Variants in CDH9 observed in about 807,000 individuals in gnomAD.
CDH9 encodes the protein cadherin-9.
In CDH9, 28 loss-of-function variants were observed where a neutral mutation model predicts 70.9. The observed-to-expected ratio is 0.40, with a 90% CI of 0.29 to 0.54. CDH9 has a LOEUF of 0.54. Ranked by LOEUF, CDH9 falls within the 20% of genes least tolerant of loss-of-function variation. The pLI is 0.59. For synonymous variants in CDH9, 409 were observed against 343.1 expected (o/e 1.19, Z -2.12); for missense variants, 874 against 984.4 (o/e 0.89, Z 1.50).
chr5:26,926,931 A>G (rs1439295194), intron 2 of CDH9, among the ~76,000 whole-genome samples: 1 of 127,556 alleles, frequency 7.8e-6, no homozygotes, highest in Non-Finnish European at 1.7e-5. Context: ...CCCCCCGCAA[A>G]AAAAAAAGAA....
At chr5:26,914,449 T>C (rs1007611345) in intron 3 of CDH9, among the ~76,000 whole-genome samples, 3 of 151,984 alleles carry the variant, frequency 2.0e-5, no homozygotes, top group Non-Finnish European at 4.4e-5. Flanking sequence ...AGGGAACATA[T>C]CCACTCATTT....
chr5:26,954,617 C>T (rs1213132337), intron 2 of CDH9, among the ~76,000 whole-genome samples: 1 of 151,768 alleles, frequency 6.6e-6, no homozygotes, highest in East Asian at 1.9e-4. Flanking sequence ...ATCTCCTGAC[C>T]TCGTGATCCG....
chr5:26,951,111 G>A (rs1741836112), intron 2 of CDH9, among the ~76,000 whole-genome samples: 1 of 151,824 alleles, frequency 6.6e-6, no homozygotes, highest in Admixed American at 6.6e-5. Flanking sequence ...GACCAACATG[G>A]TGAAACCCTG....
intron 2 of CDH9, among the ~76,000 whole-genome samples, chr5:26,970,757 TAAAAA>T (rs34847605): frequency 6.7e-6 from 1 of 148,992 alleles, no homozygotes; most frequent in Non-Finnish European, 1.5e-5. Flanking sequence ...TTTATTTTCT[TAAAAA>T]AAAAAATCTC....
intron 2 of CDH9, among the ~76,000 whole-genome samples, chr5:26,983,005 A>G (rs951229592): frequency 6.6e-6 from 1 of 152,188 alleles, no homozygotes; most frequent in Middle Eastern, 3.4e-3. Context: ...ATTTTAAGAG[A>G]TGATCTCATA....
At chr5:26,966,417 G>A (rs936861187) in intron 2 of CDH9, among the ~76,000 whole-genome samples, 3 of 152,052 alleles carry the variant, frequency 2.0e-5, no homozygotes, top group African/African-American at 4.8e-5. Flanking sequence ...AATTGCAACC[G>A]TTATTCAAAC....
chr5:26,977,892 G>C (rs971146023), intron 2 of CDH9, among the ~76,000 whole-genome samples: 3 of 152,074 alleles, frequency 2.0e-5, no homozygotes, highest in African/African-American at 7.2e-5. Flanking sequence ...GGGGTTTTCA[G>C]TGAAACATTA....
intron 1 of CDH9, among the ~76,000 whole-genome samples, chr5:27,035,052 C>T (rs1017821426): frequency 3.3e-5 from 5 of 151,126 alleles, no homozygotes; most frequent in African/African-American, 1.2e-4. Flanking sequence ...AATCTATCAT[C>T]TATGTATTTA....
intron 2 of CDH9, among the ~76,000 whole-genome samples, chr5:26,967,343 T>C (rs574307135): frequency 6.6e-6 from 1 of 152,286 alleles, no homozygotes; most frequent in East Asian, 1.9e-4. Flanking sequence ...ACTATATTTA[T>C]CTAAGTTTTT....
chr5:26,890,044 C>CT (rs1163038888), intron 8 of CDH9, 87 bp from the exon 9 acceptor site: 6 of 1,235,040 alleles, frequency 4.9e-6, no homozygotes, highest in East Asian at 4.8e-5. Context: ...GCAACAGATC[C>CT]TTTTTGTGGT....
chr5:26,915,144 C>G (rs1035314086), intron 3 of CDH9, among the ~76,000 whole-genome samples: 4 of 151,976 alleles, frequency 2.6e-5, no homozygotes, highest in African/African-American at 9.7e-5. Context: ...CTTTCTGAAT[C>G]TTGAGTTTCT....
intron 7 of CDH9, among the ~76,000 whole-genome samples, chr5:26,895,432 T>C (rs1267884576): frequency 1.3e-5 from 2 of 152,028 alleles, no homozygotes; most frequent in Admixed American, 1.3e-4. Context: ...TTTATTCCAG[T>C]TTATTTTGAA....
At chr5:27,002,925 A>G (rs1742796312) in intron 1 of CDH9, among the ~76,000 whole-genome samples, 1 of 152,126 alleles carries the variant, frequency 6.6e-6, no homozygotes, top group Non-Finnish European at 1.5e-5. Flanking sequence ...TAATAAAAAA[A>G]GATAAAAATA....
intron 2 of CDH9, among the ~76,000 whole-genome samples, chr5:26,954,694 C>CT (rs550253876): frequency 2.6e-5 from 4 of 151,442 alleles, no homozygotes; most frequent in African/African-American, 4.8e-5. Context: ...CTATAACAGC[C>CT]TTTTTTTTAT....
At chr5:26,915,225 GA>G (rs1741128493) in intron 3 of CDH9, among the ~76,000 whole-genome samples, 1 of 151,814 alleles carries the variant, frequency 6.6e-6, no homozygotes, top group Admixed American at 6.6e-5. Flanking sequence ...ATGATCAAAT[GA>G]AAAAACACTT....
chr5:26,983,173 C>T (rs369696909), intron 2 of CDH9, among the ~76,000 whole-genome samples: 1 of 151,976 alleles, frequency 6.6e-6, no homozygotes, highest in East Asian at 1.9e-4. Context: ...AAGGGGTCTG[C>T]GGATGTGATG....
intron 2 of CDH9, among the ~76,000 whole-genome samples, chr5:26,954,906 A>G (rs116647414): frequency 1.2e-3 from 178 of 152,266 alleles, no homozygotes; most frequent in African/African-American, 4.1e-3. Flanking sequence ...GGTGGCTTAT[A>G]CCTGTAATCC....
intron 1 of CDH9, among the ~76,000 whole-genome samples, chr5:27,018,241 G>T (rs1185594368): frequency 6.6e-6 from 1 of 151,586 alleles, no homozygotes; most frequent in Admixed American, 6.6e-5. Flanking sequence ...TATGGGAAGA[G>T]AATTTTAAAA....
At chr5:27,035,036 C>A (rs1274477894) in intron 1 of CDH9, among the ~76,000 whole-genome samples, 1 of 151,168 alleles carries the variant, frequency 6.6e-6, no homozygotes, top group Non-Finnish European at 1.5e-5. Context: ...ATCTATCTAT[C>A]TATCTAATCT....
Sources: allele counts gnomAD v4.1 joint callset (sites outside exome capture counted in the v4.1 genomes callset), GRCh38; gene constraint gnomAD v4.1.1; transcripts MANE v1.5; gene names NCBI Gene and HGNC (gene_info 2026-07-23, HGNC 2026-07-21).